HSPA4: variants seen among roughly 807,000 people sequenced by gnomAD.
The protein encoded by HSPA4 is heat shock 70 kDa protein 4.
HSPA4 carries 25 observed loss-of-function variants against 106.2 expected under a neutral mutation model. That is an observed-to-expected ratio of 0.24 (90% CI 0.17 to 0.33). HSPA4 has a LOEUF of 0.33. Among genes scored for constraint, HSPA4 ranks in the 10% least tolerant of loss-of-function variants. HSPA4 has a pLI of 1.00. For missense variants in HSPA4, 841 were observed against 996.0 expected (o/e 0.84, Z 2.10); for synonymous variants, 332 against 333.6 (o/e 1.00, Z 0.05).
At chr5:133,103,825 T>A in intron 17 of HSPA4, 40 bp from the exon 18 acceptor site, 1 of 1,568,516 alleles carries the variant, frequency 6.4e-7, no homozygotes, top group Non-Finnish European at 8.7e-7. Context: ...AGGGAGGGTA[T>A]CACACTTTTA....
chr5:133,069,358 T>C (rs558453391), intron 3 of HSPA4, among the ~76,000 whole-genome samples: 7 of 152,248 alleles, frequency 4.6e-5, no homozygotes, highest in Admixed American at 4.6e-4. Flanking sequence ...CAAGCAATTC[T>C]CATGCTTCAG....
chr5:133,053,487 T>A (rs899255936), intron 1 of HSPA4, among the ~76,000 whole-genome samples: 27 of 151,874 alleles, frequency 1.8e-4, no homozygotes, highest in African/African-American at 6.5e-4. Flanking sequence ...TAGCTGGCGT[T>A]GCAGGCGTGC....
intron 17 of HSPA4, 43 bp downstream of exon 17, chr5:133,101,921 C>CT (rs60177569): frequency 0.09 from 63,739 of 706,842 alleles, 20 homozygotes; most frequent in South Asian, 0.11. Flanking sequence ...GTAAAGTTAA[C>CT]TTTTTTTTTT....
intron 7 of HSPA4, among the ~76,000 whole-genome samples, chr5:133,084,352 A>G (rs754782425): frequency 1.3e-5 from 2 of 152,018 alleles, no homozygotes; most frequent in Admixed American, 6.5e-5. Context: ...TTTTTTTTCT[A>G]TTAGAAGTAA....
intron 1 of HSPA4, among the ~76,000 whole-genome samples, chr5:133,053,444 G>A (rs1344928509): frequency 6.7e-6 from 1 of 149,458 alleles, no homozygotes; most frequent in Non-Finnish European, 1.5e-5. Context: ...CTGGCTCCTG[G>A]CTCAGGTGAT....
chr5:133,053,689 C>T (rs1765120173), intron 1 of HSPA4, among the ~76,000 whole-genome samples: 2 of 150,808 alleles, frequency 1.3e-5, no homozygotes, highest in Non-Finnish European at 3.0e-5. Context: ...GATGGAGTCT[C>T]GCTCTGTCGC....
intron 1 of HSPA4, among the ~76,000 whole-genome samples, chr5:133,061,285 G>A (rs905287582): frequency 6.6e-6 from 1 of 151,856 alleles, no homozygotes; most frequent in African/African-American, 2.4e-5. Context: ...ACCATGCCTG[G>A]CTAATTTTTT....
intron 11 of HSPA4, among the ~76,000 whole-genome samples, chr5:133,090,805 G>A (rs965725656): frequency 2.6e-5 from 4 of 152,096 alleles, no homozygotes; most frequent in Admixed American, 2.6e-4. Context: ...ACCTAGAAAT[G>A]GCAATTTACT....
chr5:133,103,716 TTG>T, intron 17 of HSPA4, 147 bp from the exon 18 acceptor site: 1 of 612,500 alleles, frequency 1.6e-6, no homozygotes, highest in Non-Finnish European at 2.7e-6. Context: ...TAGGTTTCTT[TTG>T]AATAATTCTG....
At chr5:133,101,343 G>A (rs1470679638) in intron 16 of HSPA4, among the ~76,000 whole-genome samples, 1 of 152,100 alleles carries the variant, frequency 6.6e-6, no homozygotes, top group Non-Finnish European at 1.5e-5. Context: ...GGATTTTGCT[G>A]ATTTTCACCT....
intron 1 of HSPA4, among the ~76,000 whole-genome samples, chr5:133,059,447 CAA>C (rs539958401): frequency 4.0e-4 from 50 of 125,954 alleles, no homozygotes; most frequent in African/African-American, 1.1e-3. Flanking sequence ...GACTTTGTCT[CAA>C]AAAAAAAAAA....
intron 1 of HSPA4, among the ~76,000 whole-genome samples, chr5:133,053,817 G>T (rs895409836): frequency 6.6e-6 from 1 of 151,844 alleles, no homozygotes; most frequent in Admixed American, 6.6e-5. Flanking sequence ...GTGCTACCAT[G>T]CCCGGCTAAA....
At chr5:133,079,395 A>G (rs1333542719) in intron 7 of HSPA4, among the ~76,000 whole-genome samples, 1 of 152,188 alleles carries the variant, frequency 6.6e-6, no homozygotes, top group Non-Finnish European at 1.5e-5. Flanking sequence ...ATCATGTAAT[A>G]TGCGTCTGGC....
chr5:133,089,555 C>A lies in HSPA4; in HGVS notation c.1245-7C>A, dbSNP rs766117261. ...AATTTGTGTTTTTGTCTTTTTCCTC[C>A]ATTCAGTGACTGTGAAGTCTTTTCC... On this transcript the variant is annotated splice_region_variant and splice_polypyrimidine_tract_variant and intron_variant, in intron 10 of 18. Coordinates refer to ENST00000304858, the MANE Select transcript of HSPA4 (RefSeq NM_002154.4). 1.9e-6 allele frequency: 3 copies of A among 1,611,422 alleles called. No homozygotes were observed. The highest frequency in any genetic ancestry group is 1.3e-5 in the African/African-American group (1 of 74,742).
rs1448931286 is a variant in HSPA4 at position 133,089,107 on chromosome 5, T to C, written c.1190T>C (p.Val397Ala). ...GTCAGAGAATTTTCTATCACTGATG[T>C]AGTACCATATCCAATATCTCTGAGA... ...FKVREFSITD[V>A]VPYPISLRWN... Residue 397 changes from valine (V) to alanine (A), a missense_variant, in exon 10 of 19, where the codon GTA becomes GCA. Around this residue, in one of 5 missense-constraint regions of HSPA4, gnomAD observed 162 missense variants for 177.7 expected, o/e 0.91. Coordinates refer to ENST00000304858, the MANE Select transcript of HSPA4 (RefSeq NM_002154.4). 1.9e-6 allele frequency: 3 copies of C among 1,605,590 alleles called. No homozygotes were observed. The highest frequency in any genetic ancestry group is 2.6e-6 in the Non-Finnish European group (3 of 1,175,554).
chr5:133,088,342 A>G, intron 8 of HSPA4, 62 bp from the exon 9 acceptor site: 1 of 1,200,778 alleles, frequency 8.3e-7, no homozygotes, highest in Non-Finnish European at 1.2e-6. Context: ...TTATTTCATC[A>G]TGGTAAGATG....
intron 2 of HSPA4, 125 bp downstream of exon 2, chr5:133,065,162 G>A: frequency 1.4e-6 from 1 of 729,454 alleles, no homozygotes; most frequent in Non-Finnish European, 2.4e-6. Context: ...GGCAGATACA[G>A]ACCTCTTCTC....
At chr5:133,104,174 A>G (rs376569408) in intron 18 of HSPA4, 59 bp from the exon 19 acceptor site, 2 of 1,559,530 alleles carry the variant, frequency 1.3e-6, no homozygotes, top group Non-Finnish European at 8.8e-7. Flanking sequence ...TGGGTTTAGC[A>G]TGGCTTGTAA....
At chr5:133,087,813 G>A (rs1208050485) in intron 8 of HSPA4, among the ~76,000 whole-genome samples, 3 of 151,994 alleles carry the variant, frequency 2.0e-5, no homozygotes, top group Admixed American at 6.6e-5. Context: ...TAGTGGAGAC[G>A]GGGTTTTACC....
Sources: gnomAD v4.1 joint callset for allele counts (sites outside exome capture counted in the v4.1 genomes callset) on GRCh38, gnomAD v4.1.1 for gene constraint, gnomAD v4.1.1 regional missense constraint, MANE v1.5 for transcripts, NCBI Gene and HGNC (gene_info 2026-07-23, HGNC 2026-07-21) for gene names.